Variants in ROBO1 observed in about 807,000 individuals in gnomAD.
ROBO1 encodes roundabout guidance receptor 1, also known as roundabout homolog 1.
A neutral mutation model predicts 195.9 loss-of-function variants in ROBO1; 149 were observed. The ratio of observed to expected loss-of-function variants is 0.76; its 90% confidence interval spans 0.67 to 0.87. The LOEUF (loss-of-function observed/expected upper bound fraction) is 0.87, where lower values mean the gene tolerates loss of function less well. Ranked by LOEUF, ROBO1 falls within the 40% of genes least tolerant of loss-of-function variation. The pLI, the probability that ROBO1 is intolerant of heterozygous loss-of-function variation, is 0.00. For synonymous variants in ROBO1, 816 were observed against 733.2 expected (o/e 1.11, Z -1.82); for missense variants, 1,933 against 2,068.3 (o/e 0.93, Z 1.27).
At chr3:79,440,221 T>C (rs913942672) in intron 2 of ROBO1, among the ~76,000 whole-genome samples, 2 of 152,038 alleles carry the variant, frequency 1.3e-5, no homozygotes, top group Admixed American at 1.3e-4. Flanking sequence ...CAATAAACTT[T>C]TAGTTTATTA....
At chr3:79,582,506 A>G (rs1943693615) in intron 2 of ROBO1, among the ~76,000 whole-genome samples, 1 of 152,010 alleles carries the variant, frequency 6.6e-6, no homozygotes, top group South Asian at 2.1e-4. Flanking sequence ...TGACTATCTC[A>G]TTGACACGGT....
At chr3:79,077,121 T>C (rs1257829532) in intron 3 of ROBO1, among the ~76,000 whole-genome samples, 1 of 151,934 alleles carries the variant, frequency 6.6e-6, no homozygotes, top group Non-Finnish European at 1.5e-5. Flanking sequence ...ACTCATGCTG[T>C]ACGTGAGATA....
chr3:79,727,280 T>C (rs1702962425), intron 1 of ROBO1, among the ~76,000 whole-genome samples: 1 of 136,206 alleles, frequency 7.3e-6, no homozygotes, highest in African/African-American at 2.4e-5. Flanking sequence ...GTCAGACATA[T>C]TTTTACTTTA....
intron 5 of ROBO1, among the ~76,000 whole-genome samples, chr3:78,730,705 C>T (rs953313042): frequency 7.2e-5 from 11 of 152,120 alleles, no homozygotes; most frequent in African/African-American, 1.9e-4. Flanking sequence ...TTGTTGAACA[C>T]GAGATTATGC....
chr3:78,971,160 G>A (rs1021225784), intron 3 of ROBO1, among the ~76,000 whole-genome samples: 2 of 152,156 alleles, frequency 1.3e-5, no homozygotes, highest in East Asian at 1.9e-4. Context: ...GGGAGGCTGA[G>A]GTAGGTGGAT....
chr3:78,602,176 A>G (rs1017164366), intron 29 of ROBO1, among the ~76,000 whole-genome samples: 7 of 152,076 alleles, frequency 4.6e-5, no homozygotes, highest in Non-Finnish European at 1.0e-4. Context: ...TGTCTGGATC[A>G]TGGAGGCAGA....
rs191420761 is a variant in ROBO1 at position 79,128,494 on chromosome 3, T to C, written c.89-2955A>G. Among the ~76,000 whole-genome samples, 812 of 152,308 alleles carry C rather than the reference T, an allele frequency of 5.3e-3. 1 individual carries two copies. The highest frequency in any genetic ancestry group is 0.01 in the Middle Eastern group (3 of 294). On this transcript the variant is annotated intron_variant, in intron 2 of 30. Transcript: ENST00000464233. ...GTGATAGATGCTCAATCTGAAACAA[T>C]TGAAAAGGATGTAAATTGTATTTTC... is the stretch of plus-strand genomic sequence containing the variant.
intron 4 of ROBO1, among the ~76,000 whole-genome samples, chr3:78,767,246 C>T (rs2083252632): frequency 4.5e-5 from 1 of 22,098 alleles, no homozygotes; most frequent in Non-Finnish European, 8.0e-5. Context: ...TCCGTCTGGT[C>T]CTGGACTTTT....
intron 1 of ROBO1, among the ~76,000 whole-genome samples, chr3:79,623,574 C>T (rs1432039636): frequency 1.3e-5 from 2 of 152,062 alleles, no homozygotes; most frequent in Non-Finnish European, 2.9e-5. Context: ...GTTGAATCTA[C>T]CAACTGGAAG....
At chr3:78,923,864 G>A (rs1367375530) in intron 4 of ROBO1, among the ~76,000 whole-genome samples, 2 of 152,050 alleles carry the variant, frequency 1.3e-5, no homozygotes, top group African/African-American at 4.8e-5. Context: ...GTAGGAACTT[G>A]TGTTTTATGT....
At chr3:79,135,812 T>C (rs916383395) in intron 2 of ROBO1, among the ~76,000 whole-genome samples, 1 of 152,218 alleles carries the variant, frequency 6.6e-6, no homozygotes, top group African/African-American at 2.4e-5. Flanking sequence ...TAATTTTGTA[T>C]TTTTAGTAGA....
chr3:79,177,687 G>A (rs560518618), intron 2 of ROBO1, among the ~76,000 whole-genome samples: 1 of 152,202 alleles, frequency 6.6e-6, no homozygotes, highest in Non-Finnish European at 1.5e-5. Flanking sequence ...ATTGAACATG[G>A]CATAAGAGCA....
At chr3:79,415,449 C>T (rs1291529114) in intron 2 of ROBO1, among the ~76,000 whole-genome samples, 1 of 151,980 alleles carries the variant, frequency 6.6e-6, no homozygotes, top group Non-Finnish European at 1.5e-5. Flanking sequence ...TAAATAAGTA[C>T]ATGTGGGGCA....
At chr3:78,733,047 T>C (rs2082317812) in intron 5 of ROBO1, among the ~76,000 whole-genome samples, 1 of 152,170 alleles carries the variant, frequency 6.6e-6, no homozygotes, top group Non-Finnish European at 1.5e-5. Context: ...GGTCAGATGT[T>C]ACCAAGAGCT....
chr3:79,756,696 A>G (rs1704425013), intron 1 of ROBO1, among the ~76,000 whole-genome samples: 1 of 152,106 alleles, frequency 6.6e-6, no homozygotes, highest in African/African-American at 2.4e-5. Context: ...TAAGTGTTTA[A>G]CTCAGTAGTA....
chr3:79,242,660 C>A (rs1213384678), intron 2 of ROBO1, among the ~76,000 whole-genome samples: 1 of 152,106 alleles, frequency 6.6e-6, no homozygotes, highest in African/African-American at 2.4e-5. Context: ...CTATAACTTT[C>A]TTTTTGATAT....
chr3:79,449,442 G>A (rs1191905284), intron 2 of ROBO1, among the ~76,000 whole-genome samples: 1 of 151,378 alleles, frequency 6.6e-6, no homozygotes, highest in East Asian at 2.0e-4. Context: ...TGCTAATTCA[G>A]GAACAGGAGC....
At chr3:79,201,882 AATTATAT>A (rs2081772059) in intron 2 of ROBO1, among the ~76,000 whole-genome samples, 1 of 149,320 alleles carries the variant, frequency 6.7e-6, no homozygotes, top group African/African-American at 2.4e-5. Context: ...ATCTATTGAT[AATTATAT>A]ATTATATAAT....
At chr3:78,653,105 A>C (rs1459601154) in intron 18 of ROBO1, among the ~76,000 whole-genome samples, 1 of 152,136 alleles carries the variant, frequency 6.6e-6, no homozygotes, top group Admixed American at 6.5e-5. Context: ...TATTGTCGTC[A>C]TGAGTTCTTA....
Sources: allele counts gnomAD v4.1 joint callset (sites outside exome capture counted in the v4.1 genomes callset), GRCh38; gene constraint gnomAD v4.1.1; transcripts MANE v1.5; gene names NCBI Gene and HGNC (gene_info 2026-07-23, HGNC 2026-07-21).